The following MAP1B variants were observed in gnomAD, a reference collection of about 807,000 sequenced individuals.
MAP1B encodes microtubule-associated protein 1B.
MAP1B carries 12 observed loss-of-function variants against 176.1 expected under a neutral mutation model. The ratio of observed to expected loss-of-function variants is 0.07; its 90% CI spans 0.04 to 0.11. The LOEUF (loss-of-function observed/expected upper bound fraction) is 0.11, where lower values mean the gene tolerates loss of function less well. MAP1B is among the 10% of genes least tolerant of loss of function. The pLI, the probability that MAP1B is intolerant of heterozygous loss-of-function variation, is 1.00. For synonymous variants in MAP1B, 1,044 were observed against 1,135.0 expected, an observed-to-expected ratio of 0.92 and a Z score of 1.61; for missense variants, 2,523 against 2,990.5, an observed-to-expected ratio of 0.84 and a Z score of 3.65.
intron 2 of MAP1B, among the ~76,000 whole-genome samples, chr5:72,174,732 C>T (rs1033669533): frequency 1.3e-5 from 2 of 152,194 alleles, no homozygotes; most frequent in African/African-American, 4.8e-5. Context: ...ACTCACAGAT[C>T]CCACCTTGTC....
rs138670375 is a variant in MAP1B, at chr5:72,122,914, C to T, written c.286+7115C>T. Among the ~76,000 whole-genome samples the T allele has an allele frequency of 1.8e-4, 27 of 152,288 alleles. 1 individual carries two copies. The highest frequency in any genetic ancestry group is 3.4e-3 in the Middle Eastern group (1 of 294). On this transcript the variant is annotated intron_variant, in intron 2 of 6. Coordinates refer to ENST00000296755, the MANE Select transcript of MAP1B (RefSeq NM_005909.5). ...CTGCTTTTGTCTTCATCTCCAGAGA[C>T]CAAAGAGAGCTCATGATTTTTGTTA... is the stretch of plus-strand genomic sequence containing the variant.
chr5:72,177,499 C>T (rs188306258), intron 2 of MAP1B, among the ~76,000 whole-genome samples: 18 of 152,232 alleles, frequency 1.2e-4, no homozygotes, highest in Admixed American at 9.1e-4. Context: ...TGGGCCCCAG[C>T]GTTAGTTGCC....
intron 2 of MAP1B, among the ~76,000 whole-genome samples, chr5:72,168,287 GTTCT>G (rs1746469388): frequency 6.6e-6 from 1 of 152,202 alleles, no homozygotes; most frequent in Non-Finnish European, 1.5e-5. Flanking sequence ...GGAATCAGAT[GTTCT>G]TTCTTTCAGT....
intron 2 of MAP1B, among the ~76,000 whole-genome samples, chr5:72,143,195 G>A (rs529682377): frequency 6.6e-6 from 1 of 152,310 alleles, no homozygotes; most frequent in Admixed American, 6.5e-5. Flanking sequence ...TCCCAGAGAA[G>A]AAAATGTGAA....
chr5:72,199,651 C>T lies in MAP1B; in HGVS notation c.6296C>T (p.Pro2099Leu). The change falls in exon 5 of 7, where the codon CCC (proline) becomes CTC (leucine). Residue 2099 changes from proline to leucine, a missense_variant. Physicochemically the swap from Pro to Leu is moderately conservative, Grantham distance 98. Coordinates refer to ENST00000296755, the MANE Select transcript of MAP1B (RefSeq NM_005909.5). The surrounding 1 kb of genome is among the most constrained non-coding windows in gnomAD (Gnocchi z 4.2). Reference sequence around the variant, plus strand: ...AAGCACCCCAAGACAGAGCTTTCACCCTCTTTCATTAATCCCAATCCTCTT... The same window carrying T: ...AAGCACCCCAAGACAGAGCTTTCACTCTCTTTCATTAATCCCAATCCTCTT... ...EYKHPKTELS[P>L]SFINPNPLEW... 6.2e-7 allele frequency: 1 copy of T among 1,614,162 alleles called. No individual in the cohort carries two copies. The highest frequency in any genetic ancestry group is 8.5e-7 in the Non-Finnish European group (1 of 1,180,042).
Position 72,126,922 on chromosome 5 carries a change from T to C in MAP1B, c.286+11123T>C, listed in dbSNP as rs189810003. 9.2e-5 allele frequency among the ~76,000 whole-genome samples: 14 copies of C among 152,346 alleles called. No individual in the cohort carries two copies. In the East Asian group the frequency reaches 9.6e-4, roughly 10 times the overall value. Reference sequence around the variant, plus strand: ...GTTTGCACAATGTCAAACACTTGCATAGAGACTATCCCCAAAGTCAGCTCA... The same window carrying C: ...GTTTGCACAATGTCAAACACTTGCACAGAGACTATCCCCAAAGTCAGCTCA... On this transcript the variant is annotated intron_variant, in intron 2 of 6. Transcript: ENST00000296755.
chr5:72,124,413 A>C (rs1442153351), intron 2 of MAP1B, among the ~76,000 whole-genome samples: 1 of 152,226 alleles, frequency 6.6e-6, no homozygotes, highest in African/African-American at 2.4e-5. Context: ...AGGACTGGTG[A>C]AATTGATGCT....
chr5:72,159,533 T>A (rs1049934177), intron 2 of MAP1B, among the ~76,000 whole-genome samples: 25 of 152,206 alleles, frequency 1.6e-4, no homozygotes, highest in Non-Finnish European at 3.5e-4. Context: ...CTTGGCTGTG[T>A]ATGTACAAAT....
At chr5:72,152,704 G>A (rs140461594) in intron 2 of MAP1B, among the ~76,000 whole-genome samples, 1,821 of 152,268 alleles carry the variant, frequency 0.012, 20 homozygotes, top group Non-Finnish European at 0.02. Context: ...AGAATGCTGG[G>A]ATTACAGGCA....
chr5:72,107,744 G>T (rs764590760), intron 1 of MAP1B, 29 bp downstream of exon 1: 3 of 1,595,430 alleles, frequency 1.9e-6, no homozygotes, highest in Non-Finnish European at 2.5e-6. Flanking sequence ...CCAGAGACGC[G>T]CGCTGGGAGA....
intron 4 of MAP1B, among the ~76,000 whole-genome samples, chr5:72,192,099 C>T (rs1015617034): frequency 6.6e-6 from 1 of 152,306 alleles, no homozygotes; most frequent in Non-Finnish European, 1.5e-5. Context: ...ATTAAAGATA[C>T]AGCAGTTATT....
Position 72,134,305 on chromosome 5 carries a change from C to T in MAP1B, c.286+18506C>T, listed in dbSNP as rs566666219. Among the ~76,000 whole-genome samples, 19 of 152,328 alleles carry T rather than the reference C, an allele frequency of 1.2e-4. No homozygotes were observed. The East Asian group carries it at 3.5e-3, about 28-fold the overall frequency. On this transcript the variant is annotated intron_variant, in intron 2 of 6. Coordinates refer to ENST00000296755, the MANE Select transcript of MAP1B (RefSeq NM_005909.5). ...GTATTGTCGCAGCAAGACTCCCTCA[C>T]TGCATTAGTGGGTTCCATTGTATTT...
chr5:72,181,403 T>A (rs1161434860), intron 2 of MAP1B, among the ~76,000 whole-genome samples: 1 of 152,176 alleles, frequency 6.6e-6, no homozygotes, highest in East Asian at 1.9e-4. Context: ...ACCATACAAT[T>A]TACCCATTTA....
At chr5:72,133,261 G>A (rs1745767746) in intron 2 of MAP1B, among the ~76,000 whole-genome samples, 1 of 152,222 alleles carries the variant, frequency 6.6e-6, no homozygotes, top group African/African-American at 2.4e-5. Context: ...ACTTACAGGT[G>A]TTTTTCCTGA....
chr5:72,177,225 C>T (rs188012297), intron 2 of MAP1B, among the ~76,000 whole-genome samples: 1 of 152,300 alleles, frequency 6.6e-6, no homozygotes, highest in Non-Finnish European at 1.5e-5. Flanking sequence ...TTGCCTCGAT[C>T]CTTCTCCTGG....
At chr5:72,172,152 A>G (rs1746554816) in intron 2 of MAP1B, among the ~76,000 whole-genome samples, 2 of 152,300 alleles carry the variant, frequency 1.3e-5, no homozygotes, top group South Asian at 4.1e-4. Context: ...CTGAGGCACC[A>G]CTTCAGCCAG....
intron 2 of MAP1B, among the ~76,000 whole-genome samples, chr5:72,162,996 G>A (rs1019687772): frequency 1.3e-5 from 2 of 152,182 alleles, no homozygotes; most frequent in African/African-American, 2.4e-5. Flanking sequence ...TTGGGAGGCT[G>A]AGGTGGGCAG....
In MAP1B at chr5:72,186,695, A is replaced by T; in HGVS notation, c.451A>T (p.Ile151Phe). 6.2e-7 allele frequency: 1 copy of T among 1,614,072 alleles called. No homozygotes were observed. The highest frequency in any genetic ancestry group is 8.5e-7 in the Non-Finnish European group (1 of 1,179,938). Residue 151 changes from isoleucine (I) to phenylalanine (F), a missense_variant, in exon 4 of 7, where the codon ATT becomes TTT. This residue lies in a region of MAP1B where 307 missense variants were observed against 438.4 expected (regional missense o/e 0.70). Coordinates refer to ENST00000296755, the MANE Select transcript of MAP1B (RefSeq NM_005909.5). This position sits in a 1 kb window ranked among gnomAD's most constrained non-coding sequence, Gnocchi z 4.3. ...GTGCTTTGAAAATACCGGAGAGCTC[A>T]TTCTCCAGTCCGGCTCTTTCTCCTT... ...GQCFENTGELILQSGSFSFQN... is the reference protein window; with the variant it reads ...GQCFENTGELFLQSGSFSFQN...
intron 2 of MAP1B, among the ~76,000 whole-genome samples, chr5:72,118,781 A>G (rs1196748954): frequency 6.6e-6 from 1 of 152,196 alleles, no homozygotes; most frequent in African/African-American, 2.4e-5. Context: ...CAGCAGAGTT[A>G]TAGTAAAATA....
Sources: allele counts gnomAD v4.1 joint callset (sites outside exome capture counted in the v4.1 genomes callset), GRCh38; gene constraint gnomAD v4.1.1; regional missense constraint gnomAD v4.1.1; non-coding constraint Gnocchi (gnomAD v3.1); transcripts MANE v1.5; gene names NCBI Gene and HGNC (gene_info 2026-07-23, HGNC 2026-07-21).